CYRIB: variants seen among roughly 807,000 people sequenced by gnomAD.
The protein encoded by CYRIB is CYFIP-related Rac1 interactor B.
Under a neutral mutation model 44.2 loss-of-function variants are expected in CYRIB, and 8 were observed. The observed-to-expected ratio is 0.18, with a 90% CI of 0.11 to 0.33. The LOEUF is 0.33. CYRIB is among the 10% of genes least tolerant of loss of function. The pLI, the probability that CYRIB is intolerant of heterozygous loss-of-function variation, is 1.00. For missense variants in CYRIB, 185 were observed against 382.8 expected (o/e 0.48, Z 4.31); for synonymous variants, 131 against 127.2 (o/e 1.03, Z -0.20).
chr8:129,877,309 T>C (rs1428562360), intron 3 of CYRIB, among the ~76,000 whole-genome samples: 2 of 152,184 alleles, frequency 1.3e-5, no homozygotes, highest in Non-Finnish European at 2.9e-5. Context: ...TTATTGGTTA[T>C]TATTGTTGCT....
intron 1 of CYRIB, among the ~76,000 whole-genome samples, chr8:130,007,786 A>C (rs1441640220): frequency 1.3e-5 from 2 of 149,626 alleles, no homozygotes; most frequent in East Asian, 3.9e-4. Context: ...CTCCATCTCC[A>C]AAAACAGCAA....
intron 1 of CYRIB, among the ~76,000 whole-genome samples, chr8:129,937,900 T>TC (rs2130086200): frequency 6.6e-6 from 1 of 152,182 alleles, no homozygotes; most frequent in Non-Finnish European, 1.5e-5. Context: ...TCTCTCTCTC[T>TC]CTCTCATGAG....
chr8:129,880,699 T>C (rs1256611977), intron 2 of CYRIB, among the ~76,000 whole-genome samples: 1 of 152,232 alleles, frequency 6.6e-6, no homozygotes, highest in Non-Finnish European at 1.5e-5. Flanking sequence ...GATTTTGACA[T>C]ATAACTTGCA....
chr8:129,983,262 G>A (rs1018354449), intron 1 of CYRIB, among the ~76,000 whole-genome samples: 2 of 152,044 alleles, frequency 1.3e-5, no homozygotes, highest in African/African-American at 2.4e-5. Context: ...TGGCTAACAC[G>A]GTGAAACCCC....
upstream of CYRIB, among the ~76,000 whole-genome samples, chr8:129,940,995 A>G (rs935803209): frequency 2.0e-5 from 3 of 152,172 alleles, no homozygotes; most frequent in Admixed American, 2.0e-4. Context: ...GGGCCAAGAA[A>G]TCACTCCTTG....
intron 5 of CYRIB, among the ~76,000 whole-genome samples, chr8:129,856,901 T>C (rs903859049): frequency 3.3e-5 from 5 of 152,214 alleles, no homozygotes; most frequent in African/African-American, 7.2e-5. Context: ...ACATTGTACG[T>C]AGCCTCTGTA....
intron 1 of CYRIB, among the ~76,000 whole-genome samples, chr8:129,920,145 T>A (rs529688818): frequency 6.6e-6 from 1 of 151,638 alleles, no homozygotes; most frequent in Non-Finnish European, 1.5e-5. Context: ...ATGGTCAGAG[T>A]ATATATTTAT....
At chr8:129,937,192 C>T (rs559167202) in intron 1 of CYRIB, among the ~76,000 whole-genome samples, 2 of 152,308 alleles carry the variant, frequency 1.3e-5, no homozygotes, top group East Asian at 3.9e-4. Flanking sequence ...GCAGGCACTG[C>T]GCTAAACTCT....
intron 2 of CYRIB, among the ~76,000 whole-genome samples, chr8:129,893,940 T>C (rs917072941): frequency 4.6e-5 from 7 of 152,178 alleles, no homozygotes; most frequent in Non-Finnish European, 1.0e-4. Flanking sequence ...GCTTTTCAAT[T>C]TGCATACGTG....
intron 4 of CYRIB, among the ~76,000 whole-genome samples, chr8:129,866,485 CCTTT>C (rs1435031522): frequency 6.6e-6 from 1 of 150,440 alleles, no homozygotes; most frequent in Admixed American, 6.6e-5. Flanking sequence ...GATCTAAATT[CCTTT>C]CTACTAAAAA....
At chr8:129,869,894 G>A (rs866555921) in intron 4 of CYRIB, among the ~76,000 whole-genome samples, 3 of 149,230 alleles carry the variant, frequency 2.0e-5, no homozygotes, top group African/African-American at 5.0e-5. Flanking sequence ...CCTCCCCCCC[G>A]CCCAAAAAAA....
At chr8:129,947,963 G>A (rs1282622906) in intron 2 of CYRIB, 1 of 152,214 alleles carries the variant, frequency 6.6e-6, no homozygotes, top group African/African-American at 2.4e-5. Context: ...TGTCAATAAA[G>A]GTAAAATGCT....
intron 2 of CYRIB, among the ~76,000 whole-genome samples, chr8:129,951,291 G>A (rs976125244): frequency 6.6e-6 from 1 of 152,056 alleles, no homozygotes; most frequent in Non-Finnish European, 1.5e-5. Flanking sequence ...GTGACAGAGC[G>A]AGACTCCATC....
At chr8:129,860,172 G>C (rs1002560436) in intron 5 of CYRIB, among the ~76,000 whole-genome samples, 4 of 152,170 alleles carry the variant, frequency 2.6e-5, no homozygotes, top group African/African-American at 7.2e-5. Flanking sequence ...TAGCACCCAT[G>C]ATGGGACACA....
chr8:129,985,324 T>C (rs1053256881), intron 1 of CYRIB, among the ~76,000 whole-genome samples: 1 of 152,178 alleles, frequency 6.6e-6, no homozygotes, highest in Non-Finnish European at 1.5e-5. Context: ...AAGGCCGGTC[T>C]TTCTCACGGC....
chr8:129,884,837 T>C (rs750434181), intron 2 of CYRIB, among the ~76,000 whole-genome samples: 4 of 152,178 alleles, frequency 2.6e-5, no homozygotes, highest in Admixed American at 2.6e-4. Flanking sequence ...ACCTCAGGAG[T>C]TGTCCTATTT....
At chr8:129,993,872 AAAG>A (rs1409642105) in intron 1 of CYRIB, among the ~76,000 whole-genome samples, 2 of 150,646 alleles carry the variant, frequency 1.3e-5, no homozygotes, top group Non-Finnish European at 3.0e-5. Context: ...AAAAAAAAAA[AAAG>A]GAGTCCTTGT....
chr8:129,922,223 T>G (rs1384697202), intron 1 of CYRIB, among the ~76,000 whole-genome samples: 4 of 152,158 alleles, frequency 2.6e-5, no homozygotes, highest in Non-Finnish European at 5.9e-5. Flanking sequence ...CCCAACAAAT[T>G]CCTTTTATGT....
chr8:129,990,684 G>C (rs879440501), intron 1 of CYRIB, among the ~76,000 whole-genome samples: 3 of 151,922 alleles, frequency 2.0e-5, no homozygotes, highest in Admixed American at 2.0e-4. Flanking sequence ...ACTACACCTA[G>C]CTAATTTCCT....
Sources: gnomAD v4.1 joint callset for allele counts (sites outside exome capture counted in the v4.1 genomes callset) on GRCh38, gnomAD v4.1.1 for gene constraint, MANE v1.5 for transcripts, NCBI Gene and HGNC (gene_info 2026-07-23, HGNC 2026-07-21) for gene names.